PDE4A: variants seen among roughly 807,000 people sequenced by gnomAD.
PDE4A encodes the protein 3',5'-cyclic-AMP phosphodiesterase 4A.
In PDE4A, 21 loss-of-function variants were observed where a neutral mutation model predicts 73.9. The observed-to-expected ratio is 0.28, with a 90% CI of 0.20 to 0.41. The LOEUF (loss-of-function observed/expected upper bound fraction) is 0.41. PDE4A is among the 10% of genes least tolerant of loss of function. The pLI is 1.00. For missense variants in PDE4A, 958 were observed against 1,211.4 expected (o/e 0.79, Z 3.10); for synonymous variants, 463 against 505.4 (o/e 0.92, Z 1.13).
Position 10,461,954 on chromosome 19 carries a change from C to A in PDE4A, c.1698C>A (p.Thr566=), listed in dbSNP as rs964528790. 6.2e-7 allele frequency: 1 copy of A among 1,614,058 alleles called. No homozygotes were observed. The change falls in exon 13 of 15, where the codon ACC becomes ACA. Residue 566 remains threonine, a synonymous_variant. Transcript: ENST00000380702. ...LKTMVETKKV[T]SSGVLLLDNY... ...CCATGGTGGAGACCAAGAAAGTGAC[C>A]AGCTCAGGGGTCCTCCTGCTAGATA... is the stretch of plus-strand genomic sequence containing the variant.
chr19:10,446,629 C>T (rs1237656063), intron 2 of PDE4A, among the ~76,000 whole-genome samples: 1 of 150,116 alleles, frequency 6.7e-6, no homozygotes, highest in Non-Finnish European at 1.5e-5. Context: ...GAGTCTCGCT[C>T]TGTCGTCCAG....
chr19:10,421,164 G>T, intron 1 of PDE4A, 80 bp downstream of exon 1: 1 of 1,339,198 alleles, frequency 7.5e-7, no homozygotes, highest in Non-Finnish European at 9.5e-7. Context: ...GCCGCAGGGG[G>T]CGCTAGGATG....
chr19:10,452,126 G>A (rs78064630), intron 6 of PDE4A, among the ~76,000 whole-genome samples: 7,602 of 151,692 alleles, frequency 0.05, 237 homozygotes, highest in Middle Eastern at 0.078. Context: ...TCCAAGGGCA[G>A]TGGATATTTG....
At position 10,467,671 on chromosome 19, in the gene PDE4A, G is replaced by A; in HGVS notation, c.*50G>A. 7.2e-7 allele frequency: 1 copy of A among 1,394,772 alleles called. No homozygotes were observed. The highest frequency in any genetic ancestry group is 9.7e-7 in the Non-Finnish European group (1 of 1,029,432). The allele number at this position is 1,394,772 out of a possible 1,614,324, so 86.4% of individuals were successfully genotyped here. Reference sequence around the variant, plus strand: ...CCTCCACTCCTCCCCTCACTCCCCTGCTCCCCCGACCACCTCCTCCTCTGC... The same window carrying A: ...CCTCCACTCCTCCCCTCACTCCCCTACTCCCCCGACCACCTCCTCCTCTGC... On this transcript the variant is annotated 3_prime_UTR_variant, in exon 15 of 15. Transcript: ENST00000380702.
At position 10,442,154 on chromosome 19, in the gene PDE4A, C is replaced by A. The variant is rs535879360; in HGVS notation, c.321-4064C>A. ...AGTGGAGAGGGAGAGAGGATAGGAA[C>A]CCCCCGCTTCCCCTTTCTAGGTCAG... On this transcript the variant is annotated intron_variant, in intron 1 of 14. Transcript: ENST00000380702. Among the ~76,000 whole-genome samples, 244 of 150,580 alleles carry A rather than the reference C, an allele frequency of 1.6e-3. 1 individual carries two copies. The highest frequency in any genetic ancestry group is 2.6e-3 in the Non-Finnish European group (176 of 67,828).
intron 7 of PDE4A, 52 bp downstream of exon 7, chr19:10,454,974 G>A: frequency 6.4e-7 from 1 of 1,572,538 alleles, no homozygotes; most frequent in South Asian, 1.1e-5. Context: ...GGGGTAGAGA[G>A]GGGGCTGCCC....
At chr19:10,431,001 G>A in intron 1 of PDE4A, 3 of 1,579,094 alleles carry the variant, frequency 1.9e-6, no homozygotes, top group South Asian at 2.3e-5. Flanking sequence ...CGTCTTCTTC[G>A]CCAGCCCGTC....
chr19:10,440,021 G>C (rs578022532), intron 1 of PDE4A, among the ~76,000 whole-genome samples: 1 of 92,758 alleles, frequency 1.1e-5, no homozygotes, highest in Non-Finnish European at 2.0e-5. Context: ...GTCTTGCTTT[G>C]TCACCCAGGC....
intron 1 of PDE4A, among the ~76,000 whole-genome samples, chr19:10,431,300 C>G (rs2042785431): frequency 6.6e-6 from 1 of 152,222 alleles, no homozygotes; most frequent in Admixed American, 6.5e-5. Flanking sequence ...TTCCCACTTC[C>G]TGTGCAAACC....
intron 1 of PDE4A, among the ~76,000 whole-genome samples, chr19:10,421,487 A>T (rs1198825531): frequency 2.6e-5 from 4 of 152,140 alleles, no homozygotes; most frequent in Non-Finnish European, 5.9e-5. Flanking sequence ...GGAGCACTCC[A>T]TAAGGGGGTG....
At position 10,459,736 on chromosome 19, in the gene PDE4A, C is replaced by T; in HGVS notation, c.1342C>T (p.Leu448=). 1 of 1,612,706 alleles carries T rather than the reference C, an allele frequency of 6.2e-7. No homozygotes were observed. The highest frequency in any genetic ancestry group is 8.5e-7 in the Non-Finnish European group (1 of 1,179,116). ...TGACGTGCTGCAGTCCACCCACGTA[C>T]TGCTGGCCACGCCTGCACTAGATGT... The part of the protein sequence containing the change: ...AADVLQSTHV[L]LATPALDAVF... The change falls in exon 10 of 15, where the codon CTG becomes TTG. Residue 448 remains leucine, a synonymous_variant. Coordinates refer to ENST00000380702, the MANE Select transcript of PDE4A (RefSeq NM_001111307.2).
intron 11 of PDE4A, 40 bp from the exon 12 acceptor site, chr19:10,461,486 C>T (rs202161348): frequency 6.2e-7 from 1 of 1,606,594 alleles, no homozygotes; most frequent in Non-Finnish European, 8.5e-7. Context: ...GTTGGAGCTG[C>T]ACACGTGGGC....
rs192021052 is a variant in PDE4A at position 10,453,558 on chromosome 19, G to A, written c.784-1271G>A. Among the ~76,000 whole-genome samples, 2 of 152,020 alleles carry A rather than the reference G, an allele frequency of 1.3e-5. No homozygotes were observed. The highest frequency in any genetic ancestry group is 2.9e-5 in the Non-Finnish European group (2 of 67,952). On this transcript the variant is annotated intron_variant, in intron 6 of 14. Transcript: ENST00000380702. This position sits in a 1 kb window ranked among gnomAD's most constrained non-coding sequence, Gnocchi z 4.6. ...GGTGTGACTGTGTCAGTGCCTGGAT[G>A]TGTGTGTGTGTGTCTGCGATGGTGT...
In PDE4A at chr19:10,469,511, A is replaced by G. The variant is rs1444499939; in HGVS notation, c.*1890A>G. ...ACCCCCAAGCAGGGCTCCTCTCCCC[A>G]GGGTGAGCACAGGACCTCTGTAAGC... On this transcript the variant is annotated 3_prime_UTR_variant, in exon 15 of 15. Coordinates refer to ENST00000380702, the MANE Select transcript of PDE4A (RefSeq NM_001111307.2). The G allele has an allele frequency of 6.6e-6, 1 of 152,390 alleles. No individual in the cohort carries two copies. The highest frequency in any genetic ancestry group is 1.5e-5 in the Non-Finnish European group (1 of 68,086). 9.4% of individuals were successfully genotyped at this position (152,390 alleles called of 1,614,324 possible).
intron 2 of PDE4A, 83 bp downstream of exon 2, chr19:10,446,492 C>T: frequency 6.6e-7 from 1 of 1,506,570 alleles, no homozygotes; most frequent in Non-Finnish European, 9.0e-7. Context: ...AGTCGGGGGG[C>T]ACCCACCCCT....
intron 13 of PDE4A, 25 bp from the exon 14 acceptor site, chr19:10,463,768 T>G: frequency 2.5e-6 from 4 of 1,612,102 alleles, no homozygotes; most frequent in Non-Finnish European, 3.4e-6. Context: ...CTCTGAAGTT[T>G]CCCCTGTGCC....
intron 1 of PDE4A, among the ~76,000 whole-genome samples, chr19:10,442,586 G>A (rs1402713384): frequency 6.6e-6 from 1 of 151,850 alleles, no homozygotes; most frequent in African/African-American, 2.4e-5. Context: ...AGCGTTTCAT[G>A]TCTGTAATCC....
rs1490029091 is a variant in PDE4A at position 10,423,339 on chromosome 19, A to G, written c.320+2255A>G. On this transcript the variant is annotated intron_variant, in intron 1 of 14. Transcript: ENST00000380702. ...ACACCTGACTAATTTTTGAATTTTTAGTAGAGATGGGGTTTCACCATGTTG... is the reference window on the plus strand; with the variant it reads ...ACACCTGACTAATTTTTGAATTTTTGGTAGAGATGGGGTTTCACCATGTTG... 2.0e-5 allele frequency among the ~76,000 whole-genome samples: 3 copies of G among 151,730 alleles called. No individual in the cohort carries two copies. In the East Asian group the frequency reaches 5.8e-4, roughly 29 times the overall value.
rs759670406 is a variant in PDE4A at position 10,449,193 on chromosome 19, A to C, written c.620+43A>C. On this transcript the variant is annotated intron_variant, in intron 4 of 14. Coordinates refer to ENST00000380702, the MANE Select transcript of PDE4A (RefSeq NM_001111307.2). ...TGCAACAGCTGTGATCATAAGGTGA[A>C]GCATATGCGGGTTCTGCTCTCAGCC... 4.4e-6 allele frequency: 7 copies of C among 1,597,896 alleles called. No homozygotes were observed. In the East Asian group the frequency reaches 1.6e-4, roughly 36 times the overall value.
Sources: gnomAD v4.1 joint callset for allele counts (sites outside exome capture counted in the v4.1 genomes callset) on GRCh38, gnomAD v4.1.1 for gene constraint, Gnocchi (gnomAD v3.1) non-coding constraint, MANE v1.5 for transcripts, NCBI Gene and HGNC (gene_info 2026-07-23, HGNC 2026-07-21) for gene names.